The following PSMF1 variants were observed in gnomAD, a reference collection of about 807,000 sequenced individuals.
The protein encoded by PSMF1 is proteasome inhibitor PI31 subunit.
A neutral mutation model predicts 29.3 loss-of-function variants in PSMF1; 30 were observed. The ratio of observed to expected loss-of-function variants is 1.02; its 90% CI spans 0.77 to 1.39. The LOEUF is 1.39. Ranked by LOEUF, PSMF1 falls within the 40% of genes most tolerant of loss-of-function variation. The probability of loss-of-function intolerance (pLI) is 0.00; values close to 1 mark genes in which losing one functional copy is unlikely to be tolerated. For synonymous variants in PSMF1, 134 were observed against 139.7 expected, an observed-to-expected ratio of 0.96 and a Z score of 0.29; for missense variants, 344 against 357.5, an observed-to-expected ratio of 0.96 and a Z score of 0.31.
chr20:1,152,235 T>A (rs1340397994), intron 4 of PSMF1, among the ~76,000 whole-genome samples: 1 of 152,216 alleles, frequency 6.6e-6, no homozygotes, highest in African/African-American at 2.4e-5. Flanking sequence ...AGGTAGATGC[T>A]CTTGGTATCT....
Position 1,118,604 on chromosome 20 carries a change from C to T in PSMF1, c.-170C>T, listed in dbSNP as rs943553676. ...CGCCCGCTGTTGGGACTACTTCCGG[C>T]TTCCCCGCCCCGCCCCGTCCCCGGG... On this transcript the variant is annotated 5_prime_UTR_variant, in exon 1 of 7. Transcript: ENST00000335877. 6 of 794,516 alleles carry T rather than the reference C, an allele frequency of 7.6e-6. No individual in the cohort carries two copies. Among genetic ancestry groups the T allele is most frequent in the African/African-American group, 7.0e-5 (4 of 56,896 alleles). The allele number at this position is 794,516 out of a possible 1,614,324, so 49.2% of individuals were successfully genotyped here.
intron 4 of PSMF1, among the ~76,000 whole-genome samples, chr20:1,137,668 AC>A (rs2086324511): frequency 2.0e-5 from 3 of 152,210 alleles, no homozygotes; most frequent in Non-Finnish European, 4.4e-5. Context: ...AGTCATACCA[AC>A]TAAAATGCAG....
chr20:1,165,021 C>T lies in PSMF1; in HGVS notation c.765-8C>T, dbSNP rs370516617. ...ACTCCAACTCATCAGCCCCTCTTTC[C>T]ATTCCAGACCTAACCCAGACCATCT... is the stretch of plus-strand genomic sequence containing the variant. On this transcript the variant is annotated splice_region_variant and splice_polypyrimidine_tract_variant and intron_variant, in intron 6 of 6. Transcript: ENST00000335877. 1.3e-5 allele frequency: 21 copies of T among 1,611,508 alleles called. No homozygotes were observed. The African/African-American group carries it at 2.1e-4, about 16-fold the overall frequency.
rs2086772659 is a variant in PSMF1 at position 1,169,870 on chromosome 20, C to G, written c.*4790C>G. 6.6e-6 allele frequency among the ~76,000 whole-genome samples: 1 copy of G among 152,178 alleles called. No homozygotes were observed. The highest frequency in any genetic ancestry group is 2.1e-4 in the South Asian group (1 of 4,832). Reference sequence around the variant, plus strand: ...CTTCCCACCTTTCCTGGAAGGTGCACTGGGACAGAGGTCTAGTGAGCCAAT... The same window carrying G: ...CTTCCCACCTTTCCTGGAAGGTGCAGTGGGACAGAGGTCTAGTGAGCCAAT... On this transcript the variant is annotated 3_prime_UTR_variant, in exon 7 of 7. Coordinates refer to ENST00000335877, the MANE Select transcript of PSMF1 (RefSeq NM_006814.5).
At chr20:1,136,850 T>C (rs1326505550) in intron 4 of PSMF1, among the ~76,000 whole-genome samples, 3 of 152,264 alleles carry the variant, frequency 2.0e-5, no homozygotes, top group African/African-American at 7.2e-5. Context: ...AAAATAGTGA[T>C]TGAATATTGT....
At chr20:1,129,696 T>G (rs898658731) in intron 3 of PSMF1, among the ~76,000 whole-genome samples, 1 of 152,234 alleles carries the variant, frequency 6.6e-6, no homozygotes, top group African/African-American at 2.4e-5. Flanking sequence ...ACAAGCGTTG[T>G]CAAGGATGTG....
chr20:1,121,308 C>T (rs922769612), intron 1 of PSMF1, among the ~76,000 whole-genome samples: 7 of 152,060 alleles, frequency 4.6e-5, no homozygotes, highest in African/African-American at 1.7e-4. Flanking sequence ...CACCTTTCCT[C>T]TATCTACCCC....
chr20:1,116,769 C>T (rs2086015141), upstream of PSMF1, among the ~76,000 whole-genome samples: 2 of 151,276 alleles, frequency 1.3e-5, no homozygotes, highest in East Asian at 1.9e-4. Context: ...ATGATTAATG[C>T]TTTGCAGGAA....
chr20:1,165,007 T>TCAG (rs2086711218), intron 6 of PSMF1, 22 bp from the exon 7 acceptor site: 1 of 1,598,606 alleles, frequency 6.3e-7, no homozygotes, highest in Non-Finnish European at 8.6e-7. Flanking sequence ...CTCCAACTCA[T>TCAG]CAGCCCCTCT....
At chr20:1,123,072 G>A (rs1225730529) in intron 1 of PSMF1, among the ~76,000 whole-genome samples, 3 of 152,140 alleles carry the variant, frequency 2.0e-5, no homozygotes, top group African/African-American at 7.2e-5. Context: ...TTTCTTTTTC[G>A]CAGAAGAATG....
rs2086791048 is a variant in PSMF1 at position 1,171,634 on chromosome 20, GAGTGTTA to G, written c.*6557_*6563del. Reference sequence around the variant, plus strand: ...CCCTCCCAGTTCCCGCAGCTAGGCTGAGTGTTAAGAGGAAGGTGCCATACAGGTTCAG... The same window carrying G: ...CCCTCCCAGTTCCCGCAGCTAGGCTGAGAGGAAGGTGCCATACAGGTTCAG... On this transcript the variant is annotated 3_prime_UTR_variant, in exon 7 of 7. Transcript: ENST00000335877. Among the ~76,000 whole-genome samples, 1 of 152,192 alleles carries G rather than the reference GAGTGTTA, an allele frequency of 6.6e-6. No individual in the cohort carries two copies. Among genetic ancestry groups the G allele is most frequent in the South Asian group, 2.1e-4 (1 of 4,826 alleles).
rs1038100307 is a variant in PSMF1, at chr20:1,118,729, C to A, written c.-45C>A. 20 of 1,593,188 alleles carry A rather than the reference C, an allele frequency of 1.3e-5. No homozygotes were observed. Among genetic ancestry groups the A allele is most frequent in the Non-Finnish European group, 1.6e-5 (19 of 1,168,546 alleles). ...GCCGCGGAGCCGGCTCACTGCACTA[C>A]CCCCGCCCCCTTCTTTCCTCCAGAC... On this transcript the variant is annotated 5_prime_UTR_variant, in exon 1 of 7. Transcript: ENST00000335877.
intron 4 of PSMF1, among the ~76,000 whole-genome samples, chr20:1,139,190 A>G (rs940821204): frequency 6.6e-6 from 1 of 152,172 alleles, no homozygotes; most frequent in Non-Finnish European, 1.5e-5. Context: ...ACATACGAAA[A>G]GAACAACAAC....
At chr20:1,130,422 A>G (rs963339233) in intron 3 of PSMF1, among the ~76,000 whole-genome samples, 1 of 152,144 alleles carries the variant, frequency 6.6e-6, no homozygotes, top group African/African-American at 2.4e-5. Context: ...TCACCCCTTC[A>G]ATCTCACCTT....
rs969241703 is a variant in PSMF1, at chr20:1,140,307, T to C, written c.551+5001T>C. ...GTCTAGAAATTAACCCATACATTCA[T>C]AGGGAATTGATTTCAGCAAGGTTGC... On this transcript the variant is annotated intron_variant, in intron 4 of 6. Transcript: ENST00000335877. Among the ~76,000 whole-genome samples, 6 of 152,294 alleles carry C rather than the reference T, an allele frequency of 3.9e-5. No individual in the cohort carries two copies. In the East Asian group the frequency reaches 7.7e-4, roughly 20 times the overall value.
At position 1,118,667 on chromosome 20, in the gene PSMF1, A is replaced by T; in HGVS notation, c.-107A>T. 1 of 1,361,618 alleles carries T rather than the reference A, an allele frequency of 7.3e-7. No individual in the cohort carries two copies. The highest frequency in any genetic ancestry group is 1.5e-5 in the African/African-American group (1 of 68,390). 84.3% of individuals were successfully genotyped at this position (1,361,618 alleles called of 1,614,324 possible). On this transcript the variant is annotated 5_prime_UTR_variant, in exon 1 of 7. Transcript: ENST00000335877. Reference sequence around the variant, plus strand: ...GGTCTCAGGTGTGGACTCGGCAAGAACCAGCGCAAGAGGGAAGCAGAGTTA... The same window carrying T: ...GGTCTCAGGTGTGGACTCGGCAAGATCCAGCGCAAGAGGGAAGCAGAGTTA...
intron 4 of PSMF1, among the ~76,000 whole-genome samples, chr20:1,155,520 AC>A (rs1255511139): frequency 1.2e-4 from 18 of 152,190 alleles, no homozygotes; most frequent in Non-Finnish European, 2.5e-4. Flanking sequence ...TGCTCAGAGG[AC>A]CCAAAAAGGA....
At chr20:1,132,027 A>G (rs908375564) in intron 3 of PSMF1, among the ~76,000 whole-genome samples, 12 of 152,178 alleles carry the variant, frequency 7.9e-5, no homozygotes, top group Admixed American at 5.2e-4. Flanking sequence ...TTATTCCTTC[A>G]TTGAATTACT....
chr20:1,141,240 G>A lies in PSMF1; in HGVS notation c.551+5934G>A, dbSNP rs1416416218. Among the ~76,000 whole-genome samples the A allele has an allele frequency of 3.3e-5, 5 of 152,126 alleles. No homozygotes were observed. The East Asian group carries it at 5.8e-4, about 18-fold the overall frequency. On this transcript the variant is annotated intron_variant, in intron 4 of 6. Transcript: ENST00000335877. Reference sequence around the variant, plus strand: ...GGTTTCTTTTTGGGGTGAAGAAAATGTTCTGAAATTAGAACATTTGCATAT... The same window carrying A: ...GGTTTCTTTTTGGGGTGAAGAAAATATTCTGAAATTAGAACATTTGCATAT...
Sources: allele counts gnomAD v4.1 joint callset (sites outside exome capture counted in the v4.1 genomes callset), GRCh38; gene constraint gnomAD v4.1.1; transcripts MANE v1.5; gene names NCBI Gene and HGNC (gene_info 2026-07-23, HGNC 2026-07-21).